OSBPL10: variants seen among roughly 807,000 people sequenced by gnomAD.
The protein encoded by OSBPL10 is oxysterol binding protein like 10.
OSBPL10 carries 49 observed loss-of-function variants against 81.7 expected under a neutral mutation model. The ratio of observed to expected loss-of-function variants is 0.60; its 90% CI spans 0.48 to 0.76. The LOEUF is 0.76. Ranked by LOEUF, OSBPL10 falls within the 30% of genes least tolerant of loss-of-function variation. The pLI, the probability that OSBPL10 is intolerant of heterozygous loss-of-function variation, is 0.00. For synonymous variants in OSBPL10, 419 were observed against 383.6 expected (o/e 1.09, Z -1.08); for missense variants, 923 against 987.8 (o/e 0.93, Z 0.88).
intron 4 of OSBPL10, among the ~76,000 whole-genome samples, chr3:31,803,022 A>G (rs1354874736): frequency 1.4e-5 from 2 of 138,690 alleles, no homozygotes; most frequent in Non-Finnish European, 3.0e-5. Flanking sequence ...GAACTAATAT[A>G]CTGTTCTAGT....
At chr3:31,998,788 T>TCCCTACTGAGTTTTTCTGC (rs1233032861) in intron 2 of OSBPL10, among the ~76,000 whole-genome samples, 1 of 152,198 alleles carries the variant, frequency 6.6e-6, no homozygotes, top group Non-Finnish European at 1.5e-5. Flanking sequence ...GGTTTTTCTG[T>TCCCTACTGAGTTTTTCTGC]CCCTACTGAG....
intron 4 of OSBPL10, among the ~76,000 whole-genome samples, chr3:31,827,023 C>T (rs1422315361): frequency 6.6e-6 from 1 of 152,174 alleles, no homozygotes. Context: ...AAGAAATATA[C>T]TGTCACCCAA....
At chr3:31,793,039 T>C (rs1699072361) in intron 4 of OSBPL10, among the ~76,000 whole-genome samples, 1 of 152,172 alleles carries the variant, frequency 6.6e-6, no homozygotes, top group South Asian at 2.1e-4. Flanking sequence ...CTCCCTTTAT[T>C]GTAGTCTCAA....
chr3:31,847,571 C>CCCAAT (rs1700664886), intron 3 of OSBPL10, among the ~76,000 whole-genome samples: 1 of 152,092 alleles, frequency 6.6e-6, no homozygotes, highest in Admixed American at 6.5e-5. Context: ...CCGGCATTAC[C>CCCAAT]CCAATCCATA....
rs561690039 is a variant in OSBPL10 at position 31,872,908 on chromosome 3, G to A, written c.537+3525C>T. Among the ~76,000 whole-genome samples, 310 of 152,286 alleles carry A rather than the reference G, an allele frequency of 2.0e-3. 2 individuals carry two copies. Among genetic ancestry groups the A allele is most frequent in the African/African-American group, 7.1e-3 (296 of 41,552 alleles). On this transcript the variant is annotated intron_variant, in intron 3 of 11. Coordinates refer to ENST00000396556, the MANE Select transcript of OSBPL10 (RefSeq NM_017784.5). ...CAAAGTGCTGGGATTACAGGCGTGA[G>A]CCACCACATCCAGCCTCAAAAACTT...
intron 1 of OSBPL10, among the ~76,000 whole-genome samples, chr3:32,074,193 CT>C (rs1276691007): frequency 6.6e-6 from 1 of 152,176 alleles, no homozygotes; most frequent in Non-Finnish European, 1.5e-5. Context: ...AACTTCTTTA[CT>C]TTCTAGACAG....
intron 5 of OSBPL10, among the ~76,000 whole-genome samples, chr3:31,742,758 G>A (rs993049129): frequency 1.3e-5 from 2 of 152,074 alleles, no homozygotes; most frequent in Admixed American, 6.6e-5. Flanking sequence ...CTGTACCCTC[G>A]AATCACTTTC....
chr3:31,670,702 C>A, intron 9 of OSBPL10, 95 bp downstream of exon 9: 1 of 1,316,124 alleles, frequency 7.6e-7, no homozygotes, highest in Admixed American at 2.2e-5. Context: ...TGATTTTCAA[C>A]TCATCCCATT....
rs1700079637 is a variant in OSBPL10 at position 31,661,905 on chromosome 3, C to T, written c.*167G>A. 6.1e-6 allele frequency: 6 copies of T among 982,218 alleles called. No homozygotes were observed. Among genetic ancestry groups the T allele is most frequent in the South Asian group, 1.7e-5 (1 of 58,142 alleles). 60.8% of individuals were successfully genotyped at this position (982,218 alleles called of 1,614,324 possible). A position where few individuals can be genotyped will look rare whatever the true frequency, so the allele number is the denominator to read the frequency against. On this transcript the variant is annotated 3_prime_UTR_variant, in exon 12 of 12. Coordinates refer to ENST00000396556, the MANE Select transcript of OSBPL10 (RefSeq NM_017784.5). ...CTCTTGAATAAATTCATTCCTCTAG[C>T]AGAGTGTGGGGGTGCACTTTTCATA...
intron 8 of OSBPL10, among the ~76,000 whole-genome samples, chr3:31,672,369 G>C (rs1396263374): frequency 2.5e-5 from 3 of 117,964 alleles, no homozygotes; most frequent in South Asian, 8.3e-4. Context: ...GGCGGGGGGG[G>C]GGGCAGGAGG....
At chr3:31,697,888 A>G (rs1401652390) in intron 7 of OSBPL10, among the ~76,000 whole-genome samples, 1 of 151,454 alleles carries the variant, frequency 6.6e-6, no homozygotes, top group Non-Finnish European at 1.5e-5. Flanking sequence ...TCAGCCTCCC[A>G]AGTAGCTGGG....
chr3:32,057,519 G>A (rs1360922209), intron 1 of OSBPL10, among the ~76,000 whole-genome samples: 2 of 152,196 alleles, frequency 1.3e-5, no homozygotes, highest in African/African-American at 4.8e-5. Flanking sequence ...AATCATGGCA[G>A]AAGGCAAAGG....
rs751177502 is a variant in OSBPL10, at chr3:31,876,459, T to C, written c.511A>G (p.Lys171Glu). Reference sequence around the variant, plus strand: ...TTAGAATTCATTTCCATGTGGTATTTGGCACAAGCTCGAAGCTGAGTCACC... The same window carrying C: ...TTAGAATTCATTTCCATGTGGTATTCGGCACAAGCTCGAAGCTGAGTCACC... ...FWVTQLRACA[K>E]YHMEMNSKSA... is the part of the protein sequence containing the mutation. The change falls in exon 3 of 12, where the codon AAA becomes GAA. Residue 171 changes from lysine to glutamate, a missense_variant. By Grantham distance (56) the Lys-to-Glu change is moderately conservative. Transcript: ENST00000396556. The C allele has an allele frequency of 6.2e-7, 1 of 1,613,552 alleles. No individual in the cohort carries two copies. The highest frequency in any genetic ancestry group is 1.1e-5 in the South Asian group (1 of 91,066).
At chr3:32,000,937 G>C (rs993983486) in intron 2 of OSBPL10, among the ~76,000 whole-genome samples, 7 of 152,182 alleles carry the variant, frequency 4.6e-5, no homozygotes, top group African/African-American at 1.7e-4. Context: ...CTGGAATGAA[G>C]AAAAGACTGT....
upstream of OSBPL10, among the ~76,000 whole-genome samples, chr3:31,982,797 A>C (rs989562586): frequency 2.0e-5 from 3 of 152,242 alleles, no homozygotes; most frequent in African/African-American, 7.2e-5. Context: ...GGCTGTAATA[A>C]ACTATGCAAG....
At chr3:31,681,446 T>C (rs910395067) in intron 8 of OSBPL10, among the ~76,000 whole-genome samples, 1 of 152,148 alleles carries the variant, frequency 6.6e-6, no homozygotes, top group African/African-American at 2.4e-5. Flanking sequence ...ACATTTACAG[T>C]CCCTAATTCC....
In OSBPL10 at chr3:31,675,945, C is replaced by CAAAAAAAA. The variant is rs773575072; in HGVS notation, c.1727-4970_1727-4963dup. On this transcript the variant is annotated intron_variant, in intron 8 of 11. Coordinates refer to ENST00000396556, the MANE Select transcript of OSBPL10 (RefSeq NM_017784.5). ...TGGGCGACAGAGCGAGACTCCATCT[C>CAAAAAAAA]AAAAAAAAAAAAAAAAAAAAGAGGA... is the stretch of plus-strand genomic sequence containing the variant. Among the ~76,000 whole-genome samples the CAAAAAAAA allele has an allele frequency of 4.2e-3, 247 of 59,142 alleles. 13 individuals carry two copies. The highest frequency in any genetic ancestry group is 0.013 in the African/African-American group (229 of 18,114). 38.8% of individuals were successfully genotyped at this position (59,142 alleles called of 152,430 possible). A position where few individuals can be genotyped will look rare whatever the true frequency, so the allele number is the denominator to read the frequency against.
chr3:31,733,535 G>A, intron 5 of OSBPL10, 124 bp from the exon 6 acceptor site: 1 of 1,172,764 alleles, frequency 8.5e-7, no homozygotes, highest in Non-Finnish European at 1.2e-6. Context: ...AACACAGAGG[G>A]CTTGTTTTGA....
intron 4 of OSBPL10, among the ~76,000 whole-genome samples, chr3:31,806,183 A>G (rs1164956524): frequency 6.6e-6 from 1 of 152,176 alleles, no homozygotes; most frequent in African/African-American, 2.4e-5. Flanking sequence ...GATGCAGGGA[A>G]GGAGGACCCG....
Sources: allele counts gnomAD v4.1 joint callset (sites outside exome capture counted in the v4.1 genomes callset), GRCh38; gene constraint gnomAD v4.1.1; transcripts MANE v1.5; gene names NCBI Gene and HGNC (gene_info 2026-07-23, HGNC 2026-07-21).